Variants in PIK3C3 observed in about 807,000 individuals in gnomAD.
The protein encoded by PIK3C3 is phosphatidylinositol 3-kinase catalytic subunit type 3, also known as PI3-kinase type 3.
Under a neutral mutation model 126.1 loss-of-function variants are expected in PIK3C3, and 95 were observed. That is an observed-to-expected ratio of 0.75 (90% confidence interval 0.64 to 0.89). The LOEUF is 0.89. Ranked by LOEUF, PIK3C3 falls within the 40% of genes least tolerant of loss-of-function variation. The pLI, the probability that PIK3C3 is intolerant of heterozygous loss-of-function variation, is 0.00. For synonymous variants in PIK3C3, 374 were observed against 360.0 expected, an observed-to-expected ratio of 1.04 and a Z score of -0.44; for missense variants, 829 against 1,063.2, an observed-to-expected ratio of 0.78 and a Z score of 3.06.
At chr18:42,046,553 T>C (rs1567999048) in intron 20 of PIK3C3, among the ~76,000 whole-genome samples, 1 of 152,108 alleles carries the variant, frequency 6.6e-6, no homozygotes, top group African/African-American at 2.4e-5. Flanking sequence ...TCACATGGAA[T>C]AAAAAAACTA....
At chr18:42,003,458 G>A (rs1982389647) in intron 9 of PIK3C3, among the ~76,000 whole-genome samples, 1 of 152,144 alleles carries the variant, frequency 6.6e-6, no homozygotes, top group Admixed American at 6.5e-5. Context: ...ATTTGTTTTT[G>A]TAGAGATGAG....
At chr18:41,976,939 C>G (rs1980951068) in intron 4 of PIK3C3, among the ~76,000 whole-genome samples, 1 of 152,156 alleles carries the variant, frequency 6.6e-6, no homozygotes, top group Admixed American at 6.5e-5. Flanking sequence ...TTATGGAAAT[C>G]TCTTCCAAAA....
intron 3 of PIK3C3, among the ~76,000 whole-genome samples, chr18:41,966,422 G>C (rs971872937): frequency 6.6e-6 from 1 of 151,820 alleles, no homozygotes; most frequent in Non-Finnish European, 1.5e-5. Context: ...CGCCTGCCTC[G>C]CCCTCCCAAA....
At chr18:41,973,870 A>C (rs1397037607) in intron 4 of PIK3C3, among the ~76,000 whole-genome samples, 1 of 152,172 alleles carries the variant, frequency 6.6e-6, no homozygotes, top group Non-Finnish European at 1.5e-5. Context: ...ATGAGGGTTA[A>C]GTAGTTAGAA....
At chr18:42,034,677 A>C (rs1267386342) in intron 16 of PIK3C3, among the ~76,000 whole-genome samples, 2 of 152,216 alleles carry the variant, frequency 1.3e-5, no homozygotes, top group Non-Finnish European at 2.9e-5. Flanking sequence ...ATCATGCTCA[A>C]AGGACCAAAG....
At chr18:42,032,443 C>G (rs1983869950) in intron 15 of PIK3C3, among the ~76,000 whole-genome samples, 1 of 152,006 alleles carries the variant, frequency 6.6e-6, no homozygotes, top group Non-Finnish European at 1.5e-5. Flanking sequence ...CAGCTGCACT[C>G]TGGTTACTTT....
At chr18:42,016,415 C>G (rs1983076698) in intron 12 of PIK3C3, among the ~76,000 whole-genome samples, 5 of 152,152 alleles carry the variant, frequency 3.3e-5, no homozygotes. Context: ...GATATTGATT[C>G]ATTGATTCAG....
chr18:42,010,243 A>C (rs919410690), intron 10 of PIK3C3, among the ~76,000 whole-genome samples: 1 of 152,190 alleles, frequency 6.6e-6, no homozygotes, highest in Non-Finnish European at 1.5e-5. Context: ...CATAAGAAGC[A>C]ACTCTTCATC....
intron 9 of PIK3C3, among the ~76,000 whole-genome samples, chr18:41,999,857 C>A (rs1401070928): frequency 6.6e-6 from 1 of 151,928 alleles, no homozygotes. Flanking sequence ...ATTTGGTGGT[C>A]ATTTTTTTAT....
intron 22 of PIK3C3, 27 bp from the exon 23 acceptor site, chr18:42,064,713 A>G: frequency 1.8e-6 from 2 of 1,114,428 alleles, no homozygotes; most frequent in Non-Finnish European, 2.7e-6. Flanking sequence ...AATCGTTGCT[A>G]TTTTTTTCTT....
intron 13 of PIK3C3, chr18:42,025,892 T>G (rs1226258007): frequency 2.0e-5 from 3 of 152,210 alleles, no homozygotes; most frequent in Non-Finnish European, 4.4e-5. Flanking sequence ...GAGCATCTAT[T>G]ATGAGCTAGA....
intron 12 of PIK3C3, among the ~76,000 whole-genome samples, chr18:42,019,393 C>T (rs912824405): frequency 6.6e-6 from 1 of 152,102 alleles, no homozygotes; most frequent in Admixed American, 6.5e-5. Context: ...ATCATTCTGG[C>T]TCTTGCTTAA....
chr18:41,967,384 G>A (rs943731866), intron 3 of PIK3C3, among the ~76,000 whole-genome samples: 3 of 152,164 alleles, frequency 2.0e-5, no homozygotes, highest in African/African-American at 7.2e-5. Flanking sequence ...TTAGGGAAAC[G>A]CTGCCTTTAA....
In PIK3C3 at chr18:42,084,461, A is replaced by G. The variant is rs1257512458; in HGVS notation, c.*3324A>G. The G allele has an allele frequency of 2.6e-5, 4 of 152,180 alleles. No individual in the cohort carries two copies. Among genetic ancestry groups the G allele is most frequent in the Non-Finnish European group, 4.4e-5 (3 of 67,990 alleles). The allele number at this position is 152,180 out of a possible 1,614,324, so 9.4% of individuals were successfully genotyped here. ...ATTTGCCAAAATGAGTAATTTTGAT[A>G]TATTAATATTTCACTTATAAGAATG... On this transcript the variant is annotated 3_prime_UTR_variant, in exon 25 of 25. Coordinates refer to ENST00000262039, the MANE Select transcript of PIK3C3 (RefSeq NM_002647.4).
chr18:42,062,898 A>G (rs140339354), intron 22 of PIK3C3, among the ~76,000 whole-genome samples: 24 of 152,174 alleles, frequency 1.6e-4, no homozygotes, highest in East Asian at 9.7e-4. Flanking sequence ...CAGTTTCTCT[A>G]TCCTCTCACC....
intron 20 of PIK3C3, among the ~76,000 whole-genome samples, chr18:42,046,001 C>T (rs1292011786): frequency 6.6e-6 from 1 of 152,146 alleles, no homozygotes; most frequent in Non-Finnish European, 1.5e-5. Context: ...CAGGTACATG[C>T]TTAATGTCGT....
chr18:42,079,782 C>A (rs1447739575), intron 24 of PIK3C3, among the ~76,000 whole-genome samples: 1 of 152,026 alleles, frequency 6.6e-6, no homozygotes, highest in Non-Finnish European at 1.5e-5. Flanking sequence ...TTAGTGTAGA[C>A]CCTTTGCAGT....
intron 4 of PIK3C3, among the ~76,000 whole-genome samples, chr18:41,975,728 C>G (rs11872115): frequency 0.053 from 7,381 of 139,338 alleles, 596 homozygotes; most frequent in African/African-American, 0.18. Flanking sequence ...GAGATGGAGT[C>G]TTGCTCTGTC....
intron 12 of PIK3C3, among the ~76,000 whole-genome samples, chr18:42,015,880 ATTG>A (rs1280201828): frequency 6.6e-6 from 1 of 152,154 alleles, no homozygotes; most frequent in African/African-American, 2.4e-5. Context: ...CCTTACTGTA[ATTG>A]TTGTCAGTGC....
Sources: allele counts gnomAD v4.1 joint callset (sites outside exome capture counted in the v4.1 genomes callset), GRCh38; gene constraint gnomAD v4.1.1; transcripts MANE v1.5; gene names NCBI Gene and HGNC (gene_info 2026-07-23, HGNC 2026-07-21).